FHIP1A: variants seen among roughly 807,000 people sequenced by gnomAD.
FHIP1A encodes FHF complex subunit HOOK-interacting protein 1A.
FHIP1A carries 61 observed loss-of-function variants against 88.6 expected under a neutral mutation model. The observed-to-expected ratio is 0.69, with a 90% CI of 0.56 to 0.85. FHIP1A has a LOEUF of 0.85. Among genes scored for constraint, FHIP1A ranks in the 40% least tolerant of loss-of-function variants. The pLI is 0.00. For synonymous variants in FHIP1A, 478 were observed against 496.0 expected, an observed-to-expected ratio of 0.96 and a Z score of 0.48; for missense variants, 1,154 against 1,273.5, an observed-to-expected ratio of 0.91 and a Z score of 1.43.
chr4:151,558,129 A>G (rs762053819), intron 3 of FHIP1A, among the ~76,000 whole-genome samples: 7 of 152,250 alleles, frequency 4.6e-5, no homozygotes, highest in Non-Finnish European at 7.3e-5. Context: ...GAGGAAGTCT[A>G]AGAAACTTAT....
intron 4 of FHIP1A, among the ~76,000 whole-genome samples, chr4:151,569,325 G>A (rs995636767): frequency 2.6e-5 from 4 of 152,114 alleles, no homozygotes; most frequent in South Asian, 2.1e-4. Flanking sequence ...AGGATGAGGC[G>A]GGCACATGAT....
chr4:151,478,456 C>T (rs1489414656), intron 2 of FHIP1A, among the ~76,000 whole-genome samples: 1 of 152,078 alleles, frequency 6.6e-6, no homozygotes, highest in East Asian at 1.9e-4. Context: ...CTTTGCCTCA[C>T]AGGTTGATTT....
chr4:151,621,269 G>A lies in FHIP1A; in HGVS notation c.979-8433G>A, dbSNP rs943879679. On this transcript the variant is annotated intron_variant, in intron 7 of 13. Coordinates refer to ENST00000435205, the MANE Select transcript of FHIP1A (RefSeq NM_001109977.3). ...GGATGCTCCTCTGTGATTATCCAGT[G>A]CCAGATGATGTGCAGGTCTGGGACA... is the stretch of plus-strand genomic sequence containing the variant. Among the ~76,000 whole-genome samples, 10 of 152,170 alleles carry A rather than the reference G, an allele frequency of 6.6e-5. 1 individual carries two copies. The East Asian group carries it at 1.9e-3, about 29-fold the overall frequency.
At chr4:151,600,776 A>G (rs913352485) in intron 7 of FHIP1A, among the ~76,000 whole-genome samples, 1 of 152,106 alleles carries the variant, frequency 6.6e-6, no homozygotes, top group African/African-American at 2.4e-5. Flanking sequence ...GCATCTTCAC[A>G]GCATGGCAGC....
intron 3 of FHIP1A, among the ~76,000 whole-genome samples, chr4:151,492,135 T>C (rs187336159): frequency 0.021 from 3,107 of 148,894 alleles, 104 homozygotes; most frequent in African/African-American, 0.073. Flanking sequence ...TCTTAAACTA[T>C]ACCGTAGAAC....
chr4:151,585,213 G>A lies in FHIP1A; in HGVS notation c.733-1428G>A, dbSNP rs375238889. 1.7e-4 allele frequency among the ~76,000 whole-genome samples: 26 copies of A among 151,722 alleles called. No homozygotes were observed. The East Asian group carries it at 4.5e-3, about 26-fold the overall frequency. Reference sequence around the variant, plus strand: ...TTTTCTTTCGAGGCACTCCAGCTCTGTCGGCCAGGCTGGAGTGTAGTAGGT... The same window carrying A: ...TTTTCTTTCGAGGCACTCCAGCTCTATCGGCCAGGCTGGAGTGTAGTAGGT... On this transcript the variant is annotated intron_variant, in intron 5 of 13. Coordinates refer to ENST00000435205, the MANE Select transcript of FHIP1A (RefSeq NM_001109977.3).
intron 1 of FHIP1A, among the ~76,000 whole-genome samples, chr4:151,444,439 A>G (rs2724546): frequency 0.35 from 53,426 of 152,006 alleles, 9,978 homozygotes; most frequent in Non-Finnish European, 0.43. Flanking sequence ...GATACCTACT[A>G]TATAGCTTAA....
At chr4:151,576,864 C>T (rs1417157280) in intron 4 of FHIP1A, 1 of 152,402 alleles carries the variant, frequency 6.6e-6, no homozygotes, top group Non-Finnish European at 1.5e-5. Context: ...CTGTGTTCCT[C>T]TGCTGAGATC....
chr4:151,519,868 AGCCTATTTCAAG>A lies in FHIP1A; in HGVS notation c.-123+37221_-123+37232del, dbSNP rs1439271157. 2.0e-5 allele frequency among the ~76,000 whole-genome samples: 3 copies of A among 152,176 alleles called. No individual in the cohort carries two copies. In the East Asian group the frequency reaches 5.8e-4, roughly 29 times the overall value. ...GGTGGGTAGTGGCATAATGATATTG[AGCCTATTTCAAG>A]CACTTAGTGGCCATTCGTATATCCT... On this transcript the variant is annotated intron_variant, in intron 3 of 13. Coordinates refer to ENST00000435205, the MANE Select transcript of FHIP1A (RefSeq NM_001109977.3).
At chr4:151,441,960 T>C (rs894048275) in intron 1 of FHIP1A, among the ~76,000 whole-genome samples, 9 of 152,216 alleles carry the variant, frequency 5.9e-5, no homozygotes, top group African/African-American at 2.2e-4. Flanking sequence ...TGTTCCATAT[T>C]GTAAGGCAAG....
At chr4:151,457,325 C>G (rs1043995978) in intron 2 of FHIP1A, among the ~76,000 whole-genome samples, 2 of 152,184 alleles carry the variant, frequency 1.3e-5, no homozygotes, top group South Asian at 4.1e-4. Context: ...AATTTAAGCC[C>G]TTGACCACTG....
At chr4:151,569,141 A>T (rs1471286944) in intron 4 of FHIP1A, among the ~76,000 whole-genome samples, 1 of 152,206 alleles carries the variant, frequency 6.6e-6, no homozygotes, top group Non-Finnish European at 1.5e-5. Flanking sequence ...CACCTGAGGC[A>T]ACCCAAGAAA....
chr4:151,474,581 A>G (rs4696089), intron 2 of FHIP1A, among the ~76,000 whole-genome samples: 79,029 of 152,104 alleles, frequency 0.52, 20,840 homozygotes, highest in African/African-American at 0.55. Flanking sequence ...AAGATTCTTC[A>G]GCTTTGGAAG....
Position 151,656,518 on chromosome 4 carries a change from A to G in FHIP1A, c.2730+108A>G. ...TTCAAAAATTCCTTTGCTCTAATTC[A>G]TTTGCTTTCCTTCCCTGTCCTATTA... On this transcript the variant is annotated intron_variant, in intron 12 of 13. Coordinates refer to ENST00000435205, the MANE Select transcript of FHIP1A (RefSeq NM_001109977.3). This position sits in a 1 kb window ranked among gnomAD's most constrained non-coding sequence, Gnocchi z 4.2. The G allele has an allele frequency of 8.3e-7, 1 of 1,198,064 alleles. No individual in the cohort carries two copies. Among genetic ancestry groups the G allele is most frequent in the South Asian group, 1.5e-5 (1 of 65,570 alleles). The allele number at this position is 1,198,064 out of a possible 1,614,324, so 74.2% of individuals were successfully genotyped here.
chr4:151,647,462 G>A (rs576690708), intron 10 of FHIP1A, among the ~76,000 whole-genome samples: 4 of 152,192 alleles, frequency 2.6e-5, no homozygotes, highest in Admixed American at 2.6e-4. Flanking sequence ...TGAGTCAAGC[G>A]TTTCCAGTTT....
intron 3 of FHIP1A, among the ~76,000 whole-genome samples, chr4:151,502,339 C>T (rs1242913274): frequency 6.6e-6 from 1 of 151,212 alleles, no homozygotes; most frequent in Non-Finnish European, 1.5e-5. Flanking sequence ...AACAAACAAA[C>T]AAACAAACAA....
At chr4:151,621,197 T>A (rs1204423230) in intron 7 of FHIP1A, among the ~76,000 whole-genome samples, 1 of 152,152 alleles carries the variant, frequency 6.6e-6, no homozygotes, top group African/African-American at 2.4e-5. Flanking sequence ...CTCATTTTTG[T>A]GTCTGACTTG....
chr4:151,625,050 G>C (rs1017179148), intron 7 of FHIP1A, among the ~76,000 whole-genome samples: 10 of 152,166 alleles, frequency 6.6e-5, no homozygotes, highest in Non-Finnish European at 1.2e-4. Flanking sequence ...CAGGTGGGTG[G>C]ATGTGCCTCC....
At chr4:151,522,317 A>G (rs886634055) in intron 3 of FHIP1A, among the ~76,000 whole-genome samples, 4 of 152,350 alleles carry the variant, frequency 2.6e-5, no homozygotes, top group Non-Finnish European at 5.9e-5. Flanking sequence ...TCAGCTCGTG[A>G]AATAGAATTG....
Sources: allele counts gnomAD v4.1 joint callset (sites outside exome capture counted in the v4.1 genomes callset), GRCh38; gene constraint gnomAD v4.1.1; non-coding constraint Gnocchi (gnomAD v3.1); transcripts MANE v1.5; gene names NCBI Gene and HGNC (gene_info 2026-07-23, HGNC 2026-07-21).